The following PHC1 variants were observed in gnomAD, a reference collection of about 807,000 sequenced individuals.
The protein encoded by PHC1 is polyhomeotic homolog 1, also known as polyhomeotic-like protein 1.
PHC1 carries 12 observed loss-of-function variants against 104.3 expected under a neutral mutation model. The observed-to-expected ratio is 0.12, with a 90% confidence interval of 0.07 to 0.19. The LOEUF (loss-of-function observed/expected upper bound fraction) is 0.19. PHC1 is among the 10% of genes least tolerant of loss of function. PHC1 has a pLI of 1.00. For synonymous variants in PHC1, 302 were observed against 455.8 expected (o/e 0.66, Z 4.30); for missense variants, 671 against 1,200.0 (o/e 0.56, Z 6.51).
Position 8,930,901 on chromosome 12 carries a change from C to A in PHC1, c.1079C>A (p.Ala360Glu). ...AACCTGACACGGACAGCCACACCTGCGCCCAGCCAGACACTTATTAGCTCA... is the reference window on the plus strand; with the variant it reads ...AACCTGACACGGACAGCCACACCTGAGCCCAGCCAGACACTTATTAGCTCA... ...GMNLTRTATPAPSQTLISSAT... is the reference protein window; with the variant it reads ...GMNLTRTATPEPSQTLISSAT... The change falls in exon 7 of 15, where the codon GCG becomes GAG. Residue 360 changes from alanine (A) to glutamate (E), a missense_variant. By Grantham distance (107) the Ala-to-Glu change is moderately radical (BLOSUM62 -1). This residue lies in a region of PHC1 where 78 missense variants were observed against 140.8 expected (regional missense o/e 0.55). Transcript: ENST00000544916. 1 of 1,602,296 alleles carries A rather than the reference C, an allele frequency of 6.2e-7. No individual in the cohort carries two copies. Among genetic ancestry groups the A allele is most frequent in the South Asian group, 1.1e-5 (1 of 89,302 alleles).
chr12:8,926,566 A>T (rs1945517258), intron 6 of PHC1, among the ~76,000 whole-genome samples: 2 of 151,600 alleles, frequency 1.3e-5, no homozygotes, highest in African/African-American at 4.9e-5. Context: ...GGTTGCAGTG[A>T]GCCAAGATCG....
intron 1 of PHC1, among the ~76,000 whole-genome samples, chr12:8,916,220 G>C (rs542210570): frequency 1.3e-4 from 20 of 152,046 alleles, no homozygotes; most frequent in Admixed American, 2.6e-4. Context: ...CTAAAGACTG[G>C]GGGGGGATAA....
At chr12:8,937,678 A>G (rs1441049407) in intron 13 of PHC1, 151 bp from the exon 14 acceptor site, 1 of 630,896 alleles carries the variant, frequency 1.6e-6, no homozygotes, top group Non-Finnish European at 2.8e-6. Flanking sequence ...CTTTGAGAGT[A>G]GATTTTGGGA....
At chr12:8,927,531 G>T (rs918077919) in intron 6 of PHC1, among the ~76,000 whole-genome samples, 1 of 152,118 alleles carries the variant, frequency 6.6e-6, no homozygotes, top group Admixed American at 6.5e-5. Flanking sequence ...TGATGGGTGT[G>T]TATGCAGATA....
intron 6 of PHC1, among the ~76,000 whole-genome samples, chr12:8,925,940 G>C (rs746806581): frequency 2.0e-5 from 3 of 152,182 alleles, no homozygotes; most frequent in Non-Finnish European, 2.9e-5. Flanking sequence ...TGTTCATACT[G>C]GGGGTAGCAA....
chr12:8,932,516 T>C, intron 7 of PHC1, 47 bp from the exon 8 acceptor site: 1 of 1,586,272 alleles, frequency 6.3e-7, no homozygotes, highest in Non-Finnish European at 8.6e-7. Flanking sequence ...TGATTATTAT[T>C]CTCTGCTCTT....
rs1431109781 is a variant in PHC1, at chr12:8,921,460, T to A, written c.307-141T>A. 5 of 780,466 alleles carry A rather than the reference T, an allele frequency of 6.4e-6. No homozygotes were observed. In the East Asian group the frequency reaches 1.4e-4, roughly 22 times the overall value. 48.3% of individuals were successfully genotyped at this position (780,466 alleles called of 1,614,324 possible). A position where few individuals can be genotyped will look rare whatever the true frequency, so the allele number is the denominator to read the frequency against. On this transcript the variant is annotated intron_variant, in intron 4 of 14. Transcript: ENST00000544916. ...GTAGCCAGGATGACAGTTTTGGATA[T>A]GAAGACATTATTTATTTCCCCCGGC...
At position 8,939,595 on chromosome 12, in the gene PHC1, G is replaced by A; in HGVS notation, c.*136G>A. On this transcript the variant is annotated 3_prime_UTR_variant, in exon 15 of 15. Coordinates refer to ENST00000544916, the MANE Select transcript of PHC1 (RefSeq NM_004426.3). ...CTTCTGTAGGGGATTACTGAGACAG[G>A]GAAGAGAAGTGCAAGAATTGGTTGC... 6.9e-6 allele frequency: 4 copies of A among 581,618 alleles called. No individual in the cohort carries two copies. Among genetic ancestry groups the A allele is most frequent in the South Asian group, 4.3e-5 (2 of 46,462 alleles). The allele number at this position is 581,618 out of a possible 1,614,324, so 36.0% of individuals were successfully genotyped here.
At chr12:8,929,913 C>G (rs916918132) in intron 6 of PHC1, among the ~76,000 whole-genome samples, 3 of 152,214 alleles carry the variant, frequency 2.0e-5, no homozygotes, top group African/African-American at 4.8e-5. Context: ...AGTGTCACAT[C>G]AGTATCACTT....
In PHC1 at chr12:8,932,687, G is replaced by T; in HGVS notation, c.1230G>T (p.Arg410=). 1.2e-6 allele frequency: 2 copies of T among 1,614,196 alleles called. No homozygotes were observed. The highest frequency in any genetic ancestry group is 1.7e-6 in the Non-Finnish European group (2 of 1,180,000). Residue 410 remains arginine (R), a synonymous_variant, in exon 8 of 15, where the codon CGG becomes CGT. Transcript: ENST00000544916. ...ACCACCAGCAGCAGTTCCAGCACCG[G>T]CAGTCCCAGCTCCTTCACACAGCTA... ...AIHHQQQFQH[R]QSQLLHTATH...
chr12:8,918,668 G>A (rs2137057213), intron 2 of PHC1, among the ~76,000 whole-genome samples: 1 of 152,010 alleles, frequency 6.6e-6, no homozygotes, highest in East Asian at 1.9e-4. Flanking sequence ...TCGGCATTTT[G>A]TTTATTTTCA....
At chr12:8,918,700 G>A (rs1945271917) in intron 2 of PHC1, among the ~76,000 whole-genome samples, 1 of 152,038 alleles carries the variant, frequency 6.6e-6, no homozygotes, top group Admixed American at 6.5e-5. Context: ...CTTTGCTATG[G>A]CATGTATTTC....
At position 8,919,650 on chromosome 12, in the gene PHC1, T is replaced by G; in HGVS notation, c.115-106T>G. On this transcript the variant is annotated intron_variant, in intron 2 of 14. Coordinates refer to ENST00000544916, the MANE Select transcript of PHC1 (RefSeq NM_004426.3). This position sits in a 1 kb window ranked among gnomAD's most constrained non-coding sequence, Gnocchi z 4.9. ...ATTTAGCCCAAACTCCCATCTCCTCTGGTTTCTGTCCTTCCCATGGCCCCC... is the reference window on the plus strand; with the variant it reads ...ATTTAGCCCAAACTCCCATCTCCTCGGGTTTCTGTCCTTCCCATGGCCCCC... 3.5e-6 allele frequency: 4 copies of G among 1,151,340 alleles called. No individual in the cohort carries two copies. Among genetic ancestry groups the G allele is most frequent in the Non-Finnish European group, 5.0e-6 (4 of 807,796 alleles). 71.3% of individuals were successfully genotyped at this position (1,151,340 alleles called of 1,614,324 possible).
chr12:8,920,063 G>T (rs879889956), intron 3 of PHC1, 197 bp downstream of exon 3: 2 of 780,954 alleles, frequency 2.6e-6, no homozygotes, highest in Middle Eastern at 3.7e-4. Flanking sequence ...CACTTTTTAG[G>T]TATAGAGTGG....
In PHC1 at chr12:8,921,765, C is replaced by T. The variant is rs759577552; in HGVS notation, c.456+15C>T. The T allele has an allele frequency of 6.3e-7, 1 of 1,578,460 alleles. No homozygotes were observed. The highest frequency in any genetic ancestry group is 8.6e-7 in the Non-Finnish European group (1 of 1,164,336). On this transcript the variant is annotated intron_variant, in intron 5 of 14. Coordinates refer to ENST00000544916, the MANE Select transcript of PHC1 (RefSeq NM_004426.3). ...TGTATCTACGGGTAAGCCACAGATGCAGTCACCATTGCCCCAGAGGCATAA... is the reference window on the plus strand; with the variant it reads ...TGTATCTACGGGTAAGCCACAGATGTAGTCACCATTGCCCCAGAGGCATAA...
chr12:8,927,892 TCTTTCTTTCTTTC>T (rs1565517491), intron 6 of PHC1, among the ~76,000 whole-genome samples: 1 of 115,044 alleles, frequency 8.7e-6, no homozygotes, highest in African/African-American at 3.8e-5. Context: ...TTTCTTTCTT[TCTTTCTTTCTTTC>T]TTTCTTTCTT....
At chr12:8,918,887 C>A (rs1347726236) in intron 2 of PHC1, among the ~76,000 whole-genome samples, 5 of 152,198 alleles carry the variant, frequency 3.3e-5, no homozygotes, top group Admixed American at 6.5e-5. Flanking sequence ...AGCGCACTTA[C>A]ACACACCCAG....
intron 1 of PHC1, among the ~76,000 whole-genome samples, chr12:8,916,349 A>G (rs749738653): frequency 1.3e-5 from 2 of 152,254 alleles, no homozygotes; most frequent in Non-Finnish European, 2.9e-5. Flanking sequence ...CCCTAAGACC[A>G]GTCCATTCAC....
At chr12:8,937,707 G>A in intron 13 of PHC1, 122 bp from the exon 14 acceptor site, 1 of 701,298 alleles carries the variant, frequency 1.4e-6, no homozygotes, top group Non-Finnish European at 2.4e-6. Flanking sequence ...ATAAAGTGCT[G>A]CTTATTTCAC....
Sources: gnomAD v4.1 joint callset for allele counts (sites outside exome capture counted in the v4.1 genomes callset) on GRCh38, gnomAD v4.1.1 for gene constraint, gnomAD v4.1.1 regional missense constraint, Gnocchi (gnomAD v3.1) non-coding constraint, MANE v1.5 for transcripts, NCBI Gene and HGNC (gene_info 2026-07-23, HGNC 2026-07-21) for gene names.